Variants in TOPBP1 observed in about 807,000 individuals in gnomAD.
The protein encoded by TOPBP1 is DNA topoisomerase II binding protein 1, also known as DNA topoisomerase 2-binding protein 1.
A neutral mutation model predicts 167.7 loss-of-function variants in TOPBP1; 28 were observed. That is an observed-to-expected ratio of 0.17 (90% CI 0.12 to 0.23). The LOEUF is 0.23. Ranked by LOEUF, TOPBP1 falls within the 10% of genes least tolerant of loss-of-function variation. The pLI, the probability that TOPBP1 is intolerant of heterozygous loss-of-function variation, is 1.00. For missense variants in TOPBP1, 1,554 were observed against 1,809.6 expected (o/e 0.86, Z 2.56); for synonymous variants, 598 against 611.4 (o/e 0.98, Z 0.32).
intron 14 of TOPBP1, among the ~76,000 whole-genome samples, chr3:133,635,711 C>T (rs1034433518): frequency 1.3e-5 from 2 of 152,176 alleles, no homozygotes; most frequent in African/African-American, 4.8e-5. Flanking sequence ...CTGGTATAAT[C>T]ACTTTGGCAA....
At chr3:133,615,341 G>A (rs1382980717) in intron 23 of TOPBP1, among the ~76,000 whole-genome samples, 1 of 152,154 alleles carries the variant, frequency 6.6e-6, no homozygotes, top group Non-Finnish European at 1.5e-5. Context: ...GCCAGGCGTG[G>A]TGGCGCACAC....
At chr3:133,659,197 T>C in intron 2 of TOPBP1, 47 bp from the exon 3 acceptor site, 1 of 1,476,992 alleles carries the variant, frequency 6.8e-7, no homozygotes, top group Non-Finnish European at 9.0e-7. Context: ...TACTCTCCTG[T>C]ATTTAGGTCC....
At chr3:133,616,787 T>G in intron 23 of TOPBP1, 27 bp downstream of exon 23, 2 of 1,310,722 alleles carry the variant, frequency 1.5e-6, no homozygotes, top group Non-Finnish European at 1.0e-6. Context: ...ATATGGGACA[T>G]TTTGGATTTA....
At chr3:133,624,465 C>T (rs755468400) in intron 16 of TOPBP1, among the ~76,000 whole-genome samples, 1 of 152,112 alleles carries the variant, frequency 6.6e-6, no homozygotes, top group African/African-American at 2.4e-5. Context: ...CACAGCAAGA[C>T]CCCGCCTCAA....
Position 133,617,186 on chromosome 3 carries a change from G to C in TOPBP1, c.3733C>G (p.Pro1245Ala), listed in dbSNP as rs201221333. The change falls in exon 22 of 28, where the codon CCT becomes GCT. Residue 1245 changes from proline to alanine, a missense_variant. Transcript: ENST00000260810. ...PSIAFPLANP[P>A]VAPHPREKII... ...TTTTCTCTAGGGTGCGGAGCCACAG[G>C]GGGGTTGGCGAGTGGAAAGGCAATA... The C allele has an allele frequency of 3.4e-4, 549 of 1,613,178 alleles. 8 individuals are homozygous for C. The South Asian group carries it at 4.7e-3, about 14-fold the overall frequency.
intron 24 of TOPBP1, 86 bp from the exon 25 acceptor site, chr3:133,611,227 C>A: frequency 1.6e-6 from 2 of 1,239,260 alleles, no homozygotes; most frequent in South Asian, 1.9e-5. Context: ...AGCCCAAAGT[C>A]TAATAACTGT....
rs193000960 is a variant in TOPBP1 at position 133,656,702 on chromosome 3, T to A, written c.519A>T (p.Lys173Asn). 9 of 1,606,448 alleles carry A rather than the reference T, an allele frequency of 5.6e-6. No homozygotes were observed. The highest frequency in any genetic ancestry group is 1.7e-5 in the Admixed American group (1 of 58,016). ...KKPILLPSWI[K>N]TLWEKSQEKK... ...TCTCTTGTGACTTCTCCCAAAGTGT[T>A]TTTATCCAAGAGGGAAGCAAAATAG... is the stretch of plus-strand genomic sequence containing the variant. Residue 173 changes from lysine (K) to asparagine (N), a missense_variant, in exon 5 of 28, where the codon AAA becomes AAT. This residue lies in a region of TOPBP1 where 1,197 missense variants were observed against 1,351.5 expected (regional missense o/e 0.89). Transcript: ENST00000260810.
chr3:133,638,555 C>T (rs1356518730), intron 13 of TOPBP1, among the ~76,000 whole-genome samples: 2 of 152,132 alleles, frequency 1.3e-5, no homozygotes, highest in African/African-American at 4.8e-5. Context: ...ATCTCAATTA[C>T]AGGTACTCAG....
intron 20 of TOPBP1, among the ~76,000 whole-genome samples, chr3:133,619,810 G>C (rs979914157): frequency 6.6e-6 from 1 of 152,204 alleles, no homozygotes; most frequent in South Asian, 2.1e-4. Flanking sequence ...AGCAGGTGCT[G>C]CTGTAAGACA....
At chr3:133,649,975 C>T (rs1559830397) in intron 8 of TOPBP1, 32 bp from the exon 9 acceptor site, 3 of 1,486,854 alleles carry the variant, frequency 2.0e-6, no homozygotes, top group South Asian at 2.8e-5. Flanking sequence ...ATATACATAA[C>T]ATGCTTTCTC....
At chr3:133,643,957 AT>A in intron 11 of TOPBP1, 62 bp downstream of exon 11, 1 of 1,454,122 alleles carries the variant, frequency 6.9e-7, no homozygotes, top group Non-Finnish European at 9.3e-7. Context: ...AGAAATAAAC[AT>A]TAACCTTCTT....
chr3:133,649,373 C>T lies in TOPBP1; in HGVS notation c.1504+10G>A, dbSNP rs766038398. 1 of 1,609,118 alleles carries T rather than the reference C, an allele frequency of 6.2e-7. No individual in the cohort carries two copies. Among genetic ancestry groups the T allele is most frequent in the South Asian group, 1.1e-5 (1 of 90,646 alleles). ...TTACTAACTACAAATACTAATCAAG[C>T]ATTTCTTACCTACTGTGGAGCTACC... On this transcript the variant is annotated intron_variant, in intron 10 of 27. Transcript: ENST00000260810.
intron 9 of TOPBP1, 42 bp downstream of exon 9, chr3:133,649,738 A>G: frequency 6.3e-7 from 1 of 1,582,362 alleles, no homozygotes; most frequent in Non-Finnish European, 8.6e-7. Context: ...TTTAAGAAAA[A>G]TTATGTAGTA....
intron 27 of TOPBP1, among the ~76,000 whole-genome samples, chr3:133,607,542 GA>G (rs1553721096): frequency 6.6e-6 from 1 of 151,940 alleles, no homozygotes; most frequent in Non-Finnish European, 1.5e-5. Context: ...ATAATGTACA[GA>G]TTGAGCATCT....
intron 8 of TOPBP1, among the ~76,000 whole-genome samples, chr3:133,650,632 T>A (rs1191503086): frequency 1.3e-5 from 2 of 152,142 alleles, no homozygotes; most frequent in Admixed American, 1.3e-4. Context: ...CTATTTTACA[T>A]AAGGTGCCCT....
intron 27 of TOPBP1, among the ~76,000 whole-genome samples, chr3:133,604,849 G>A (rs1252024594): frequency 6.6e-6 from 1 of 151,868 alleles, no homozygotes; most frequent in African/African-American, 2.4e-5. Context: ...AACCTAGGAG[G>A]TGGAGGTTGC....
chr3:133,644,412 G>A, intron 10 of TOPBP1, 49 bp from the exon 11 acceptor site: 41 of 1,438,018 alleles, frequency 2.9e-5, no homozygotes, highest in Non-Finnish European at 3.7e-5. Context: ...ACCTTATACA[G>A]TTTACTTCCT....
rs1214999618 is a variant in TOPBP1, at chr3:133,608,694, C to T, written c.4266G>A (p.Val1422=). The T allele has an allele frequency of 1.2e-6, 2 of 1,612,634 alleles. No homozygotes were observed. Among genetic ancestry groups the T allele is most frequent in the East Asian group, 2.2e-5 (1 of 44,864 alleles). Residue 1422 remains valine, a splice_region_variant and synonymous_variant, in exon 27 of 28, where the codon GTG becomes GTA. Transcript: ENST00000260810. Reference sequence around the variant, plus strand: ...ATAAAGGTACAGAATGACCAGGTAGCACCTAATGAAAAAACAAGGTAGTAT... The same window carrying T: ...ATAAAGGTACAGAATGACCAGGTAGTACCTAATGAAAAAACAAGGTAGTAT... The part of the protein sequence containing the change: ...KRLLQSGGAK[V]LPGHSVPLFK...
chr3:133,638,015 A>G lies in TOPBP1; in HGVS notation c.2381T>C (p.Val794Ala). Reference sequence around the variant, plus strand: ...GACCTGTCTGGCATGTTGTGAGACCACAGCACGGAAAGCTTTACTCTGAAA... The same window carrying G: ...GACCTGTCTGGCATGTTGTGAGACCGCAGCACGGAAAGCTTTACTCTGAAA... ...NRFQSKAFRA[V>A]VSQHARQVAA... is the part of the protein sequence containing the mutation. The change falls in exon 14 of 28, where the codon GTG (valine) becomes GCG (alanine). Residue 794 changes from valine to alanine, a missense_variant. Val to Ala is a moderately conservative substitution (Grantham distance 64). Transcript: ENST00000260810. The G allele has an allele frequency of 3.1e-6, 5 of 1,614,012 alleles. No homozygotes were observed. The highest frequency in any genetic ancestry group is 4.2e-6 in the Non-Finnish European group (5 of 1,179,880).
Sources: allele counts gnomAD v4.1 joint callset (sites outside exome capture counted in the v4.1 genomes callset), GRCh38; gene constraint gnomAD v4.1.1; regional missense constraint gnomAD v4.1.1; transcripts MANE v1.5; gene names NCBI Gene and HGNC (gene_info 2026-07-23, HGNC 2026-07-21).